Variants in GAN observed in about 807,000 individuals in gnomAD.
GAN encodes gigaxonin.
A neutral mutation model predicts 71.3 loss-of-function variants in GAN; 48 were observed. That is an observed-to-expected ratio of 0.67 (90% CI 0.53 to 0.86). The LOEUF (loss-of-function observed/expected upper bound fraction) is 0.86, where lower values mean the gene tolerates loss of function less well. Among genes scored for constraint, GAN ranks in the 40% least tolerant of loss-of-function variants. The pLI is 0.00. For missense variants in GAN, 928 were observed against 770.1 expected (o/e 1.21, Z -2.43); for synonymous variants, 386 against 276.8 (o/e 1.39, Z -3.92).
At chr16:81,336,647 T>TA (rs1909771741) in intron 1 of GAN, among the ~76,000 whole-genome samples, 9 of 124,766 alleles carry the variant, frequency 7.2e-5, no homozygotes, top group African/African-American at 1.7e-4. Context: ...TTTTTTTTTT[T>TA]TAATTTTCTT....
chr16:81,347,954 C>T (rs936340161), intron 1 of GAN, among the ~76,000 whole-genome samples: 10 of 151,906 alleles, frequency 6.6e-5, no homozygotes, highest in South Asian at 4.1e-4. Context: ...GGTGTTGAAC[C>T]TTCTGGACTG....
intron 9 of GAN, among the ~76,000 whole-genome samples, chr16:81,368,099 T>A (rs1041752603): frequency 9.2e-5 from 14 of 152,198 alleles, no homozygotes. Context: ...GTTAAAACTT[T>A]CTGGGAAAAA....
At chr16:81,322,594 G>A (rs574077485) in intron 1 of GAN, among the ~76,000 whole-genome samples, 1 of 152,298 alleles carries the variant, frequency 6.6e-6, no homozygotes, top group South Asian at 2.1e-4. Context: ...TAGATATTTT[G>A]TGGTTCTCTC....
At chr16:81,319,082 G>C (rs1406211984) in intron 1 of GAN, among the ~76,000 whole-genome samples, 1 of 152,040 alleles carries the variant, frequency 6.6e-6, no homozygotes, top group Non-Finnish European at 1.5e-5. Flanking sequence ...TCGGGAGGCT[G>C]AGGCGGGAGG....
At chr16:81,354,801 T>C (rs755788884) in intron 3 of GAN, 46 bp downstream of exon 3, 2 of 1,107,410 alleles carry the variant, frequency 1.8e-6, no homozygotes, top group Non-Finnish European at 2.8e-6. Flanking sequence ...TTTATTTCTT[T>C]TTAATTCAAA....
rs756812739 is a variant in GAN at position 81,365,440 on chromosome 16, A to G, written c.1464A>G (p.Val488=). ...SREDAQGSEM[V]TCKSEFYHDE... is the part of the protein sequence containing the mutation. ...AGGACGCCCAGGGTAGCGAGATGGT[A>G]ACTTGCAAGTCCGAGTTCTACCATG... Residue 488 remains valine, a synonymous_variant, in exon 9 of 11, where the codon GTA becomes GTG. Coordinates refer to ENST00000648994, the MANE Select transcript of GAN (RefSeq NM_022041.4). The G allele has an allele frequency of 7.4e-6, 12 of 1,613,718 alleles. No individual in the cohort carries two copies. Among genetic ancestry groups the G allele is most frequent in the Non-Finnish European group, 1.0e-5 (12 of 1,179,962 alleles).
chr16:81,377,194 T>C, intron 9 of GAN, 25 bp from the exon 10 acceptor site: 1 of 1,346,526 alleles, frequency 7.4e-7, no homozygotes, highest in Non-Finnish European at 1.1e-6. Context: ...ATTTCCTTAA[T>C]TTTGTGCATG....
rs1257446984 is a variant in GAN at position 81,390,412 on chromosome 16, TA to T, written c.*12817del. The T allele has an allele frequency of 1.3e-5, 2 of 152,246 alleles. No homozygotes were observed. Among genetic ancestry groups the T allele is most frequent in the Non-Finnish European group, 2.9e-5 (2 of 68,038 alleles). The allele number at this position is 152,246 out of a possible 1,614,324, so 9.4% of individuals were successfully genotyped here. A position where few individuals can be genotyped will look rare whatever the true frequency, so the allele number is the denominator to read the frequency against. ...TCTTTTTAAAAGTTGCTTTATGGTTTACAAGTAATACTGATGCAAAAAGGAT... is the reference window on the plus strand; with the variant it reads ...TCTTTTTAAAAGTTGCTTTATGGTTTCAAGTAATACTGATGCAAAAAGGAT... On this transcript the variant is annotated 3_prime_UTR_variant, in exon 11 of 11. Transcript: ENST00000648994.
At chr16:81,372,209 A>G (rs1013584476) in intron 9 of GAN, among the ~76,000 whole-genome samples, 2 of 152,242 alleles carry the variant, frequency 1.3e-5, no homozygotes, top group South Asian at 2.1e-4. Flanking sequence ...TATAGCCCCC[A>G]TGTACTGACA....
At chr16:81,353,110 T>C (rs1203869575) in intron 2 of GAN, among the ~76,000 whole-genome samples, 1 of 152,000 alleles carries the variant, frequency 6.6e-6, no homozygotes, top group African/African-American at 2.4e-5. Context: ...GCTAACACGG[T>C]GAAACCCCGT....
At chr16:81,349,341 T>C (rs1281520490) in intron 1 of GAN, among the ~76,000 whole-genome samples, 5 of 152,190 alleles carry the variant, frequency 3.3e-5, no homozygotes, top group Non-Finnish European at 7.3e-5. Context: ...TACCCTTGTC[T>C]GTTTTCTAGC....
chr16:81,323,078 T>C (rs78178995), intron 1 of GAN, among the ~76,000 whole-genome samples: 3 of 152,324 alleles, frequency 2.0e-5, no homozygotes, highest in African/African-American at 7.2e-5. Flanking sequence ...GCAGGACCCA[T>C]TGGTTAATTG....
intron 1 of GAN, among the ~76,000 whole-genome samples, chr16:81,330,498 C>T (rs539860663): frequency 3.9e-5 from 6 of 152,310 alleles, no homozygotes; most frequent in African/African-American, 1.2e-4. Flanking sequence ...GATAAACACC[C>T]ATGTGTCTGT....
intron 8 of GAN, 102 bp downstream of exon 8, chr16:81,365,212 T>C: frequency 6.4e-7 from 1 of 1,564,136 alleles, no homozygotes. Flanking sequence ...AGAGTAACCT[T>C]TTCTTTGACT....
chr16:81,380,770 G>A lies in GAN; in HGVS notation c.*3174G>A, dbSNP rs545298897. 12 of 152,160 alleles carry A rather than the reference G, an allele frequency of 7.9e-5. No individual in the cohort carries two copies. The highest frequency in any genetic ancestry group is 1.5e-4 in the Non-Finnish European group (10 of 68,000). The allele number at this position is 152,160 out of a possible 1,614,324, so 9.4% of individuals were successfully genotyped here. ...TGTAGTTTATAGTAAGTTTTACTTGGTGTTCGCGTTTCTCTTCTTCAGCAG... is the reference window on the plus strand; with the variant it reads ...TGTAGTTTATAGTAAGTTTTACTTGATGTTCGCGTTTCTCTTCTTCAGCAG... On this transcript the variant is annotated 3_prime_UTR_variant, in exon 11 of 11. Coordinates refer to ENST00000648994, the MANE Select transcript of GAN (RefSeq NM_022041.4).
At chr16:81,322,487 G>A (rs768116557) in intron 1 of GAN, among the ~76,000 whole-genome samples, 13 of 152,220 alleles carry the variant, frequency 8.5e-5, no homozygotes, top group Non-Finnish European at 1.5e-4. Flanking sequence ...GTTTTTAAAA[G>A]TTGACTGTTG....
At chr16:81,374,181 C>G (rs1350838106) in intron 9 of GAN, among the ~76,000 whole-genome samples, 1 of 152,134 alleles carries the variant, frequency 6.6e-6, no homozygotes, top group Non-Finnish European at 1.5e-5. Context: ...TTTGGCAATA[C>G]CACAGAAGTC....
intron 2 of GAN, among the ~76,000 whole-genome samples, chr16:81,353,518 C>T (rs545934733): frequency 1.0e-3 from 157 of 152,226 alleles, no homozygotes; most frequent in African/African-American, 3.7e-3. Context: ...TGCTCAGTTT[C>T]TAAGATGATT....
intron 1 of GAN, among the ~76,000 whole-genome samples, chr16:81,329,115 A>G (rs1441005557): frequency 6.6e-6 from 1 of 152,002 alleles, no homozygotes. Context: ...GTCAAGGCCT[A>G]TCCTCCCTGA....
Sources: gnomAD v4.1 joint callset for allele counts (sites outside exome capture counted in the v4.1 genomes callset) on GRCh38, gnomAD v4.1.1 for gene constraint, MANE v1.5 for transcripts, NCBI Gene and HGNC (gene_info 2026-07-23, HGNC 2026-07-21) for gene names.